SRBD1: variants seen among roughly 807,000 people sequenced by gnomAD.
The protein encoded by SRBD1 is S1 RNA binding domain 1.
In SRBD1, 88 loss-of-function variants were observed where a neutral mutation model predicts 115.3. The observed-to-expected ratio is 0.76, with a 90% CI of 0.64 to 0.91. The LOEUF (loss-of-function observed/expected upper bound fraction) is 0.91, where lower values mean the gene tolerates loss of function less well. SRBD1 is among the 40% of genes least tolerant of loss of function. The pLI is 0.00. For missense variants in SRBD1, 1,385 were observed against 1,177.4 expected (o/e 1.18, Z -2.58); for synonymous variants, 509 against 407.7 (o/e 1.25, Z -2.99).
intron 14 of SRBD1, among the ~76,000 whole-genome samples, chr2:45,530,921 T>C (rs1050011003): frequency 6.6e-6 from 1 of 151,940 alleles, no homozygotes; most frequent in African/African-American, 2.4e-5. Flanking sequence ...GGCAACACAG[T>C]GAGACCCTGT....
At chr2:45,469,993 CA>C (rs1337718383) in intron 16 of SRBD1, among the ~76,000 whole-genome samples, 1 of 152,140 alleles carries the variant, frequency 6.6e-6, no homozygotes, top group African/African-American at 2.4e-5. Context: ...TTCTCTATTT[CA>C]AAATACTGCT....
intron 19 of SRBD1, among the ~76,000 whole-genome samples, chr2:45,395,593 C>T (rs1219860794): frequency 6.6e-6 from 1 of 152,196 alleles, no homozygotes; most frequent in East Asian, 1.9e-4. Context: ...GCTAATGCTT[C>T]ATATTGATCA....
chr2:45,549,259 A>G (rs1010331866), intron 12 of SRBD1, among the ~76,000 whole-genome samples: 1 of 151,702 alleles, frequency 6.6e-6, no homozygotes, highest in African/African-American at 2.4e-5. Context: ...ACAGAGAAGC[A>G]GATTCCAGAA....
intron 9 of SRBD1, 41 bp downstream of exon 9, chr2:45,573,166 T>G: frequency 2.6e-6 from 4 of 1,533,618 alleles, no homozygotes; most frequent in East Asian, 2.4e-5. Context: ...AATATTATCA[T>G]TATTACGAAA....
At chr2:45,490,615 A>C (rs1670263779) in intron 14 of SRBD1, among the ~76,000 whole-genome samples, 1 of 152,184 alleles carries the variant, frequency 6.6e-6, no homozygotes, top group African/African-American at 2.4e-5. Flanking sequence ...CTCCAAAGTT[A>C]CAACTATTTA....
At position 45,415,685 on chromosome 2, in the gene SRBD1, AC is replaced by A. The variant is rs1558564929; in HGVS notation, c.2334-2393del. Reference sequence around the variant, plus strand: ...AGGGGAGGGGAGGGGAGGGGAGGGGACGGGAGAGGAGAGGAGAGGAGAGGAG... The same window carrying A: ...AGGGGAGGGGAGGGGAGGGGAGGGGAGGGAGAGGAGAGGAGAGGAGAGGAG... On this transcript the variant is annotated intron_variant, in intron 18 of 20. Coordinates refer to ENST00000263736, the MANE Select transcript of SRBD1 (RefSeq NM_018079.5). Among the ~76,000 whole-genome samples the A allele has an allele frequency of 6.9e-3, 132 of 19,164 alleles. 19 individuals are homozygous for A. The highest frequency in any genetic ancestry group is 9.9e-3 in the Non-Finnish European group (83 of 8,392). 12.6% of individuals were successfully genotyped at this position (19,164 alleles called of 152,430 possible).
intron 16 of SRBD1, among the ~76,000 whole-genome samples, chr2:45,470,495 G>C (rs1490176483): frequency 1.3e-5 from 2 of 152,142 alleles, no homozygotes; most frequent in Non-Finnish European, 2.9e-5. Context: ...AAGGAGGAAA[G>C]AGCACTGTTC....
intron 9 of SRBD1, among the ~76,000 whole-genome samples, 179 bp downstream of exon 9, chr2:45,573,028 C>T (rs576841786): frequency 3.9e-5 from 6 of 152,120 alleles, no homozygotes; most frequent in South Asian, 2.1e-4. Context: ...TTAACTTCTC[C>T]GGGTCATTAC....
intron 14 of SRBD1, among the ~76,000 whole-genome samples, chr2:45,500,413 T>A (rs1452576203): frequency 6.6e-6 from 1 of 150,526 alleles, no homozygotes; most frequent in Non-Finnish European, 1.5e-5. Flanking sequence ...TGCTAGTATA[T>A]ATAAACAATA....
intron 1 of SRBD1, among the ~76,000 whole-genome samples, chr2:45,608,512 C>A (rs1674343452): frequency 6.6e-6 from 1 of 152,154 alleles, no homozygotes; most frequent in Non-Finnish European, 1.5e-5. Flanking sequence ...CTCCCATATC[C>A]TCTTACTTTG....
intron 16 of SRBD1, among the ~76,000 whole-genome samples, chr2:45,441,685 G>A (rs1668673798): frequency 6.6e-6 from 1 of 152,198 alleles, no homozygotes; most frequent in Non-Finnish European, 1.5e-5. Context: ...TGCTGAAGCT[G>A]GGAATTTGGT....
intron 14 of SRBD1, among the ~76,000 whole-genome samples, chr2:45,507,575 G>T (rs1488477862): frequency 1.3e-5 from 2 of 151,680 alleles, no homozygotes; most frequent in African/African-American, 4.8e-5. Flanking sequence ...CAAAAAATTA[G>T]CCCGGCATGG....
chr2:45,487,204 C>G (rs977305684), intron 15 of SRBD1, among the ~76,000 whole-genome samples: 11 of 152,128 alleles, frequency 7.2e-5, no homozygotes, highest in African/African-American at 2.7e-4. Flanking sequence ...CCGATGAAAT[C>G]TGATGAGAAT....
intron 16 of SRBD1, among the ~76,000 whole-genome samples, chr2:45,431,674 G>A (rs1364999699): frequency 6.6e-6 from 1 of 152,166 alleles, no homozygotes; most frequent in East Asian, 1.9e-4. Flanking sequence ...AATACCTAAT[G>A]TGGATGATGG....
intron 4 of SRBD1, among the ~76,000 whole-genome samples, chr2:45,596,276 G>C (rs1280608374): frequency 1.3e-5 from 2 of 152,126 alleles, no homozygotes; most frequent in African/African-American, 4.8e-5. Context: ...ATTCTATTCA[G>C]CAAGTAATCT....
At chr2:45,552,154 C>T (rs975125667) in intron 11 of SRBD1, among the ~76,000 whole-genome samples, 15 of 152,202 alleles carry the variant, frequency 9.9e-5, no homozygotes, top group African/African-American at 3.4e-4. Context: ...GATATGCAGA[C>T]GTAGGCTATG....
chr2:45,542,890 A>G (rs775146051), intron 14 of SRBD1, among the ~76,000 whole-genome samples: 1 of 152,272 alleles, frequency 6.6e-6, no homozygotes, highest in Non-Finnish European at 1.5e-5. Context: ...TGGTTTCTGC[A>G]GCAACAAGGA....
chr2:45,547,655 A>C (rs373309947), intron 12 of SRBD1, 43 bp from the exon 13 acceptor site: 2 of 1,501,142 alleles, frequency 1.3e-6, no homozygotes. Context: ...AAGAAATTAC[A>C]AAGTGAAACA....
At chr2:45,515,433 T>C (rs965667438) in intron 14 of SRBD1, among the ~76,000 whole-genome samples, 3 of 152,210 alleles carry the variant, frequency 2.0e-5, no homozygotes, top group African/African-American at 7.2e-5. Flanking sequence ...CTATATACTA[T>C]ATTCAGTACA....
Sources: allele counts gnomAD v4.1 joint callset (sites outside exome capture counted in the v4.1 genomes callset), GRCh38; gene constraint gnomAD v4.1.1; transcripts MANE v1.5; gene names NCBI Gene and HGNC (gene_info 2026-07-23, HGNC 2026-07-21).